IPCEF1: variants seen among roughly 807,000 people sequenced by gnomAD.
IPCEF1 encodes the protein interactor protein for cytohesin exchange factors 1.
IPCEF1 carries 31 observed loss-of-function variants against 50.9 expected under a neutral mutation model. The ratio of observed to expected loss-of-function variants is 0.61; its 90% CI spans 0.46 to 0.82. The LOEUF is 0.82. Among genes scored for constraint, IPCEF1 ranks in the 40% least tolerant of loss-of-function variants. The pLI is 0.00. For missense variants in IPCEF1, 458 were observed against 514.0 expected, an observed-to-expected ratio of 0.89 and a Z score of 1.05; for synonymous variants, 181 against 192.0, an observed-to-expected ratio of 0.94 and a Z score of 0.47.
intron 11 of IPCEF1, among the ~76,000 whole-genome samples, chr6:154,165,645 C>T (rs1456522303): frequency 2.0e-5 from 3 of 152,216 alleles, no homozygotes; most frequent in Non-Finnish European, 4.4e-5. Context: ...CAGCCCTGAG[C>T]GGGCCCCCAA....
At chr6:154,185,797 T>A (rs1801289704) in intron 10 of IPCEF1, among the ~76,000 whole-genome samples, 1 of 152,170 alleles carries the variant, frequency 6.6e-6, no homozygotes, top group South Asian at 2.1e-4. Context: ...TCACAAAAAA[T>A]TCTCATAATG....
At chr6:154,213,739 G>C (rs1365191767) in intron 8 of IPCEF1, among the ~76,000 whole-genome samples, 2 of 152,126 alleles carry the variant, frequency 1.3e-5, no homozygotes, top group African/African-American at 4.8e-5. Context: ...AACCCTGAAA[G>C]CTACCGACTG....
intron 2 of IPCEF1, among the ~76,000 whole-genome samples, chr6:154,272,099 CT>C (rs1249793463): frequency 5.9e-5 from 9 of 152,202 alleles, no homozygotes; most frequent in African/African-American, 2.2e-4. Flanking sequence ...GCTTAATGCT[CT>C]GACTAGCAAA....
intron 2 of IPCEF1, among the ~76,000 whole-genome samples, chr6:154,270,421 C>T (rs1307492588): frequency 6.6e-6 from 1 of 152,124 alleles, no homozygotes; most frequent in East Asian, 1.9e-4. Flanking sequence ...TAGTTCTCAA[C>T]TCTGTCATTG....
chr6:154,331,219 G>T (rs1480597657), intron 1 of IPCEF1, among the ~76,000 whole-genome samples: 1 of 151,592 alleles, frequency 6.6e-6, no homozygotes, highest in Non-Finnish European at 1.5e-5. Context: ...GTAAGCTGAG[G>T]GTCACACTGC....
In IPCEF1 at chr6:154,199,763, T is replaced by A. The variant is rs776193444; in HGVS notation, c.815A>T (p.Asn272Ile). The A allele has an allele frequency of 3.7e-5, 59 of 1,614,056 alleles. No individual in the cohort carries two copies. Among genetic ancestry groups the A allele is most frequent in the Non-Finnish European group, 4.8e-5 (57 of 1,180,018 alleles). The change falls in exon 10 of 12, where the codon AAC becomes ATC. Residue 272 changes from asparagine (N) to isoleucine (I), a missense_variant. Asn to Ile is a moderately radical substitution (Grantham distance 149). Coordinates refer to ENST00000367220, the MANE Select transcript of IPCEF1 (RefSeq NM_001130700.2). ...AGAAGTATCATCACTAGATAAAGAG[T>A]TCAAAAATCCACTTTCTGATGTGAC... ...SFVTSESGFL[N>I]SLSSDDTSSL... is the part of the protein sequence containing the mutation.
chr6:154,296,665 TA>T (rs1301217860), intron 1 of IPCEF1, among the ~76,000 whole-genome samples: 3 of 151,656 alleles, frequency 2.0e-5, no homozygotes. Context: ...CCATCTCTAC[TA>T]AAAATACAAA....
chr6:154,161,025 T>C (rs1798970502), intron 11 of IPCEF1, among the ~76,000 whole-genome samples: 1 of 152,142 alleles, frequency 6.6e-6, no homozygotes, highest in Non-Finnish European at 1.5e-5. Flanking sequence ...CTGCTTCCTT[T>C]TGACTTCCCA....
rs1336577290 is a variant in IPCEF1 at position 154,168,708 on chromosome 6, TGA to T, written c.911-597_911-596del. The stretch of plus-strand genomic sequence containing the variant: ...GAAACCTACACCTCCCAGGTTCAAG[TGA>T]TTCTCCTGTCTCAGCCTCCCAAGTA... On this transcript the variant is annotated intron_variant, in intron 10 of 11. Coordinates refer to ENST00000367220, the MANE Select transcript of IPCEF1 (RefSeq NM_001130700.2). This position sits in a 1 kb window ranked among gnomAD's most constrained non-coding sequence, Gnocchi z 4.1. Among the ~76,000 whole-genome samples, 1 of 151,968 alleles carries T rather than the reference TGA, an allele frequency of 6.6e-6. No individual in the cohort carries two copies. The highest frequency in any genetic ancestry group is 6.6e-5 in the Admixed American group (1 of 15,264).
intron 1 of IPCEF1, among the ~76,000 whole-genome samples, chr6:154,304,294 C>A (rs950781929): frequency 6.6e-6 from 1 of 151,994 alleles, no homozygotes; most frequent in Non-Finnish European, 1.5e-5. Context: ...AGCAGCTTCA[C>A]CAGGATAGAA....
At chr6:154,239,954 A>G (rs1780446666) in intron 5 of IPCEF1, among the ~76,000 whole-genome samples, 1 of 152,216 alleles carries the variant, frequency 6.6e-6, no homozygotes, top group Non-Finnish European at 1.5e-5. Context: ...TGCCCACCTC[A>G]GCCACCCAAA....
intron 1 of IPCEF1, among the ~76,000 whole-genome samples, chr6:154,329,462 T>C (rs1783603730): frequency 2.0e-5 from 3 of 151,894 alleles, no homozygotes; most frequent in Admixed American, 6.6e-5. Context: ...CCAGGTGTGG[T>C]GGCACATGCC....
intron 3 of IPCEF1, among the ~76,000 whole-genome samples, chr6:154,248,257 AATCAGACT>A (rs1042881699): frequency 2.7e-5 from 4 of 148,154 alleles, no homozygotes; most frequent in South Asian, 2.1e-4. Flanking sequence ...ACAAACATAC[AATCAGACT>A]ATCAGCAAAA....
chr6:154,283,637 C>T (rs1782284867), intron 2 of IPCEF1, among the ~76,000 whole-genome samples: 1 of 152,080 alleles, frequency 6.6e-6, no homozygotes, highest in African/African-American at 2.4e-5. Flanking sequence ...AAAAGATGTA[C>T]ATTTGAATAT....
At chr6:154,183,032 T>C (rs1022967288) in intron 10 of IPCEF1, among the ~76,000 whole-genome samples, 2 of 151,876 alleles carry the variant, frequency 1.3e-5, no homozygotes, top group South Asian at 2.1e-4. Context: ...CAGGCTGGAG[T>C]GCAGTGGTGT....
intron 1 of IPCEF1, among the ~76,000 whole-genome samples, chr6:154,314,884 C>CTT (rs11367569): frequency 6.5e-5 from 9 of 138,048 alleles, no homozygotes; most frequent in Admixed American, 7.3e-5. Context: ...AGTGTGATTA[C>CTT]TTTTTTTTTT....
chr6:154,237,130 G>A (rs1348804541), intron 5 of IPCEF1, among the ~76,000 whole-genome samples: 1 of 152,180 alleles, frequency 6.6e-6, no homozygotes, highest in Non-Finnish European at 1.5e-5. Flanking sequence ...CCTTAAAAGA[G>A]CTTGCTCCAG....
intron 10 of IPCEF1, among the ~76,000 whole-genome samples, chr6:154,198,917 C>T (rs1209632574): frequency 6.6e-6 from 1 of 152,140 alleles, no homozygotes; most frequent in African/African-American, 2.4e-5. Flanking sequence ...CAGTATCTTC[C>T]ATCAGGTAAG....
intron 11 of IPCEF1, among the ~76,000 whole-genome samples, chr6:154,165,305 C>A (rs1017589012): frequency 1.3e-5 from 2 of 152,142 alleles, no homozygotes; most frequent in African/African-American, 4.8e-5. Flanking sequence ...CCCATCCTCT[C>A]CTCTTCCTCA....
Sources: gnomAD v4.1 joint callset for allele counts (sites outside exome capture counted in the v4.1 genomes callset) on GRCh38, gnomAD v4.1.1 for gene constraint, Gnocchi (gnomAD v3.1) non-coding constraint, MANE v1.5 for transcripts, NCBI Gene and HGNC (gene_info 2026-07-23, HGNC 2026-07-21) for gene names.